FAM3B: variants seen among roughly 807,000 people sequenced by gnomAD.
FAM3B encodes the protein FAM3 metabolism regulating signaling molecule B.
FAM3B carries 29 observed loss-of-function variants against 28.4 expected under a neutral mutation model. The observed-to-expected ratio is 1.02, with a 90% confidence interval of 0.76 to 1.39. The LOEUF (loss-of-function observed/expected upper bound fraction) is 1.39, where lower values mean the gene tolerates loss of function less well. FAM3B is among the 40% of genes most tolerant of loss of function. The pLI is 0.00. For synonymous variants in FAM3B, 91 were observed against 103.0 expected, an observed-to-expected ratio of 0.88 and a Z score of 0.71; for missense variants, 266 against 293.9, an observed-to-expected ratio of 0.91 and a Z score of 0.69.
At chr21:41,316,698 G>T, upstream of FAM3B, 4 of 431,326 alleles carry the variant, frequency 9.3e-6, no homozygotes, top group Non-Finnish European at 1.6e-5. Context: ...CCCCGCCCAC[G>T]CCCGCCCCGC....
intron 2 of FAM3B, among the ~76,000 whole-genome samples, chr21:41,337,606 G>T (rs2088966227): frequency 6.6e-6 from 1 of 152,178 alleles, no homozygotes; most frequent in African/African-American, 2.4e-5. Flanking sequence ...AGGTGTATGT[G>T]GTATAGAGTG....
chr21:41,356,176 T>G (rs565550572), intron 7 of FAM3B, among the ~76,000 whole-genome samples: 2 of 152,198 alleles, frequency 1.3e-5, no homozygotes, highest in South Asian at 4.1e-4. Flanking sequence ...ATACTTAAAT[T>G]TATTAAAATT....
intron 1 of FAM3B, among the ~76,000 whole-genome samples, chr21:41,310,552 A>G (rs934187603): frequency 4.6e-5 from 7 of 152,078 alleles, no homozygotes; most frequent in African/African-American, 1.7e-4. Context: ...GGCTGATTGA[A>G]CTGAATTGAA....
chr21:41,329,813 G>A lies in FAM3B; in HGVS notation c.163+6747G>A, dbSNP rs575455831. 1.5e-3 allele frequency among the ~76,000 whole-genome samples: 231 copies of A among 152,036 alleles called. 1 individual carries two copies. Among genetic ancestry groups the A allele is most frequent in the African/African-American group, 5.0e-3 (209 of 41,496 alleles). On this transcript the variant is annotated intron_variant, in intron 2 of 7. Coordinates refer to ENST00000357985, the MANE Select transcript of FAM3B (RefSeq NM_058186.4). ...TCGAACTCCTGACCTCAGGTGATCC[G>A]CCCACCTCAGCCTCCCAAACTGCTG...
intron 2 of FAM3B, among the ~76,000 whole-genome samples, chr21:41,336,769 TAC>T (rs150009358): frequency 2.6e-5 from 4 of 152,200 alleles, no homozygotes; most frequent in African/African-American, 9.7e-5. Flanking sequence ...GGTGCATACA[TAC>T]ACACACACAA....
At chr21:41,349,289 T>G (rs2089092601) in intron 7 of FAM3B, among the ~76,000 whole-genome samples, 1 of 152,178 alleles carries the variant, frequency 6.6e-6, no homozygotes, top group Non-Finnish European at 1.5e-5. Context: ...ACTGAGGGTT[T>G]GCAAAATGTG....
At chr21:41,330,134 GA>G (rs3037004) in intron 2 of FAM3B, among the ~76,000 whole-genome samples, 12,869 of 138,666 alleles carry the variant, frequency 0.093, 821 homozygotes, top group African/African-American at 0.19. Context: ...GTCTGTATAG[GA>G]AAAAAAAAAA....
intron 6 of FAM3B, among the ~76,000 whole-genome samples, chr21:41,348,320 C>T (rs574488280): frequency 1.3e-5 from 2 of 152,258 alleles, no homozygotes; most frequent in Admixed American, 6.5e-5. Flanking sequence ...AACCCCAAAG[C>T]ACAAGGGCTT....
At chr21:41,337,017 A>G (rs1019250791) in intron 2 of FAM3B, among the ~76,000 whole-genome samples, 1 of 152,064 alleles carries the variant, frequency 6.6e-6, no homozygotes, top group Non-Finnish European at 1.5e-5. Context: ...ATTCATTTAC[A>G]TTTGTGGTAA....
chr21:41,348,238 A>G (rs1248240018), intron 6 of FAM3B, among the ~76,000 whole-genome samples: 1 of 152,174 alleles, frequency 6.6e-6, no homozygotes, highest in Non-Finnish European at 1.5e-5. Context: ...TCTCCACCTT[A>G]TTTTGTGGTC....
At position 41,347,061 on chromosome 21, in the gene FAM3B, C is replaced by T; in HGVS notation, c.446C>T (p.Ser149Phe). The change falls in exon 6 of 8, where the codon TCC becomes TTC. Residue 149 changes from serine to phenylalanine, a missense_variant. Transcript: ENST00000357985. The part of the protein sequence containing the change: ...TKFIQSAAPK[S>F]LLFMVTYDDG... ...TTTATTCAGAGTGCTGCTCCAAAAT[C>T]CCTGCTCTTCATGGTGACCTATGAC... 1 of 1,614,160 alleles carries T rather than the reference C, an allele frequency of 6.2e-7. No homozygotes were observed. The highest frequency in any genetic ancestry group is 8.5e-7 in the Non-Finnish European group (1 of 1,180,014).
chr21:41,319,519 C>G (rs895078256), intron 1 of FAM3B: 5 of 152,424 alleles, frequency 3.3e-5, no homozygotes, highest in African/African-American at 1.2e-4. Flanking sequence ...GCTTCCTCCC[C>G]CACCTCTGAA....
chr21:41,338,424 A>T lies in FAM3B; in HGVS notation c.210A>T (p.Pro70=). Residue 70 remains proline (P), a synonymous_variant, in exon 3 of 8, where the codon CCA becomes CCT. Coordinates refer to ENST00000357985, the MANE Select transcript of FAM3B (RefSeq NM_058186.4). Reference sequence around the variant, plus strand: ...AATGTGACCACTGGACTCCCTGCCCATCTGACACCTATGCCTACAGGTTAC... The same window carrying T: ...AATGTGACCACTGGACTCCCTGCCCTTCTGACACCTATGCCTACAGGTTAC... ...RQKCDHWTPC[P]SDTYAYRLLS... is the part of the protein sequence containing the mutation. 6.2e-7 allele frequency: 1 copy of T among 1,614,168 alleles called. No individual in the cohort carries two copies. Among genetic ancestry groups the T allele is most frequent in the Non-Finnish European group, 8.5e-7 (1 of 1,180,020 alleles).
At chr21:41,335,596 G>A (rs892338423) in intron 2 of FAM3B, among the ~76,000 whole-genome samples, 4 of 152,182 alleles carry the variant, frequency 2.6e-5, no homozygotes, top group African/African-American at 7.2e-5. Flanking sequence ...AAGCTCAGCA[G>A]ATGCTAGCAC....
At chr21:41,314,194 A>G (rs369155290), upstream of FAM3B, among the ~76,000 whole-genome samples, 10 of 152,298 alleles carry the variant, frequency 6.6e-5, no homozygotes, top group East Asian at 1.5e-3. Flanking sequence ...CTGTTTCTCC[A>G]CCATGTGAGG....
At chr21:41,348,569 A>G (rs777284822) in intron 6 of FAM3B, 23 bp from the exon 7 acceptor site, 12 of 1,614,096 alleles carry the variant, frequency 7.4e-6, no homozygotes, top group South Asian at 1.1e-5. Context: ...AGATGCTCAC[A>G]TGCTTTTCCC....
At chr21:41,344,867 G>A (rs2089042157) in intron 4 of FAM3B, among the ~76,000 whole-genome samples, 1 of 152,230 alleles carries the variant, frequency 6.6e-6, no homozygotes, top group Admixed American at 6.5e-5. Context: ...TGCTCCCAGA[G>A]TCCCAGTGTC....
At chr21:41,321,128 C>T (rs2123694393) in intron 1 of FAM3B, 1 of 152,378 alleles carries the variant, frequency 6.6e-6, no homozygotes, top group South Asian at 2.1e-4. Context: ...TGAAACAGTC[C>T]AGCTACGACC....
chr21:41,333,752 G>A (rs1301920434), intron 2 of FAM3B, among the ~76,000 whole-genome samples: 6 of 152,176 alleles, frequency 3.9e-5, no homozygotes, highest in Non-Finnish European at 8.8e-5. Flanking sequence ...TTTGGAACTG[G>A]GTAACAGGCA....
Sources: gnomAD v4.1 joint callset for allele counts (sites outside exome capture counted in the v4.1 genomes callset) on GRCh38, gnomAD v4.1.1 for gene constraint, MANE v1.5 for transcripts, NCBI Gene and HGNC (gene_info 2026-07-23, HGNC 2026-07-21) for gene names.